TBL1X: variants seen among roughly 807,000 people sequenced by gnomAD.
TBL1X encodes the protein transducin beta like 1 X-linked.
In TBL1X, 10 loss-of-function variants were observed where a neutral mutation model predicts 50.7. The observed-to-expected ratio is 0.20, with a 90% CI of 0.12 to 0.33. The LOEUF is 0.33. Ranked by LOEUF, TBL1X falls within the 10% of genes least tolerant of loss-of-function variation. The probability of loss-of-function intolerance (pLI) is 1.00; values close to 1 mark genes in which losing one functional copy is unlikely to be tolerated. For synonymous variants in TBL1X, 190 were observed against 214.7 expected (o/e 0.88, Z 1.01); for missense variants, 340 against 504.4 (o/e 0.67, Z 3.12).
chrX:9,551,625 A>G (rs753700451), intron 2 of TBL1X, among the ~76,000 whole-genome samples: 4 of 111,508 alleles, frequency 3.6e-5, no homozygotes, highest in African/African-American at 3.3e-5. Flanking sequence ...AGGCTGACAT[A>G]TACTCCCTAT....
At chrX:9,513,181 T>C (rs779800611) in intron 2 of TBL1X, among the ~76,000 whole-genome samples, 9 of 111,319 alleles carry the variant, frequency 8.1e-5, no homozygotes, top group African/African-American at 2.9e-4. Context: ...ACCTCTCTGC[T>C]TTTTTATTTT....
intron 2 of TBL1X, among the ~76,000 whole-genome samples, chrX:9,635,412 A>G (rs935047237): frequency 4.6e-5 from 5 of 109,596 alleles, no homozygotes; most frequent in East Asian, 5.8e-4. Context: ...TGTAATCCAT[A>G]TGCTTCTGAG....
intron 1 of TBL1X, among the ~76,000 whole-genome samples, chrX:9,474,471 CG>C (rs1452928334): frequency 8.8e-6 from 1 of 113,217 alleles, no homozygotes; most frequent in Non-Finnish European, 1.9e-5. Flanking sequence ...GACTGGACAT[CG>C]TTCCAGAGGT....
intron 2 of TBL1X, among the ~76,000 whole-genome samples, chrX:9,525,503 G>C (rs1364148432): frequency 8.9e-6 from 1 of 111,929 alleles, no homozygotes; most frequent in African/African-American, 3.3e-5. Context: ...ACCTTCCCTG[G>C]AGTATCCAAA....
chrX:9,473,307 C>T (rs2146925730), intron 1 of TBL1X, among the ~76,000 whole-genome samples: 1 of 112,223 alleles, frequency 8.9e-6, no homozygotes, highest in African/African-American at 3.2e-5. Context: ...CTTTTTTCAA[C>T]AGAATCTTAT....
intron 1 of TBL1X, among the ~76,000 whole-genome samples, chrX:9,498,116 T>C (rs952234603): frequency 9.0e-6 from 1 of 111,701 alleles, no homozygotes; most frequent in Non-Finnish European, 1.9e-5. Context: ...TTTTTGTCTT[T>C]TGTTCAAATA....
At chrX:9,559,944 A>T (rs1490678056) in intron 2 of TBL1X, among the ~76,000 whole-genome samples, 1 of 112,058 alleles carries the variant, frequency 8.9e-6, no homozygotes, top group African/African-American at 3.2e-5. Flanking sequence ...TTTTTCTGTT[A>T]ATCATAGCTG....
chrX:9,710,210 A>G lies in TBL1X; in HGVS notation c.1439+450A>G, dbSNP rs1428336252. On this transcript the variant is annotated intron_variant, in intron 15 of 17. Transcript: ENST00000645353. ...CCAGCCTGGGTGACAGAGCAAGACCATGTCTCAAAAAAAAAAAAAAAAAAA... is the reference window on the plus strand; with the variant it reads ...CCAGCCTGGGTGACAGAGCAAGACCGTGTCTCAAAAAAAAAAAAAAAAAAA... 1.2e-4 allele frequency among the ~76,000 whole-genome samples: 8 copies of G among 67,794 alleles called. No individual in the cohort carries two copies. The South Asian group carries it at 3.0e-3, about 26-fold the overall frequency. 58.9% of individuals were successfully genotyped at this position (67,794 alleles called of 115,157 possible). A position where few individuals can be genotyped will look rare whatever the true frequency, so the allele number is the denominator to read the frequency against.
chrX:9,598,175 G>A (rs973364647), intron 2 of TBL1X, among the ~76,000 whole-genome samples: 3 of 111,418 alleles, frequency 2.7e-5, no homozygotes, highest in Non-Finnish European at 5.6e-5. Flanking sequence ...CCCTACTGAC[G>A]CCTTGATGTC....
chrX:9,588,775 G>C (rs1306040066), intron 2 of TBL1X, among the ~76,000 whole-genome samples: 1 of 109,747 alleles, frequency 9.1e-6, no homozygotes, highest in Non-Finnish European at 1.9e-5. Flanking sequence ...GCTAATTTTT[G>C]TATTTTTAGT....
chrX:9,516,224 A>G (rs921293958), intron 2 of TBL1X, among the ~76,000 whole-genome samples: 1 of 111,592 alleles, frequency 9.0e-6, no homozygotes, highest in Non-Finnish European at 1.9e-5. Flanking sequence ...CATAACAAGC[A>G]GTGAAACCAT....
intron 5 of TBL1X, among the ~76,000 whole-genome samples, chrX:9,665,488 G>GATATATATATATATATATAT (rs2082922066): frequency 6.6e-5 from 1 of 15,063 alleles, no homozygotes; most frequent in East Asian, 2.9e-3. Context: ...TGATATTCAA[G>GATATATATATATATATATAT]CTATATATAT....
chrX:9,619,780 C>T (rs2239406), intron 2 of TBL1X, among the ~76,000 whole-genome samples: 33,816 of 110,265 alleles, frequency 0.31, 4,394 homozygotes, highest in East Asian at 0.7. Context: ...GAGTGCCGCC[C>T]TCTAGCTGCG....
At chrX:9,671,140 T>G (rs1033341765) in intron 5 of TBL1X, among the ~76,000 whole-genome samples, 1 of 111,404 alleles carries the variant, frequency 9.0e-6, no homozygotes. Context: ...CTGGAAGGGC[T>G]CACAGGACTC....
intron 2 of TBL1X, among the ~76,000 whole-genome samples, chrX:9,530,753 TA>T (rs2082155905): frequency 8.9e-6 from 1 of 112,480 alleles, no homozygotes; most frequent in Non-Finnish European, 1.9e-5. Context: ...CAAGAAATCT[TA>T]AAATATAACG....
At chrX:9,568,523 G>T (rs1181265575) in intron 2 of TBL1X, among the ~76,000 whole-genome samples, 1 of 111,031 alleles carries the variant, frequency 9.0e-6, no homozygotes, top group African/African-American at 3.3e-5. Context: ...GTGGTGTACT[G>T]TGTGTGTTGT....
At chrX:9,499,343 G>T (rs780471271) in intron 1 of TBL1X, among the ~76,000 whole-genome samples, 24 of 111,519 alleles carry the variant, frequency 2.2e-4, no homozygotes, top group Non-Finnish European at 2.8e-4. Flanking sequence ...TGAGGACCTC[G>T]CCCGCTAGTC....
At chrX:9,684,218 C>T (rs369013920) in intron 6 of TBL1X, 30 bp downstream of exon 6, 89 of 1,207,244 alleles carry the variant, frequency 7.4e-5, no homozygotes, top group Non-Finnish European at 9.6e-5. Flanking sequence ...GGCCCCCAAA[C>T]AGCAGAGCCC....
rs968455176 is a variant in TBL1X at position 9,673,045 on chromosome X, T to C, written c.212-10998T>C. On this transcript the variant is annotated intron_variant, in intron 5 of 17. Coordinates refer to ENST00000645353, the MANE Select transcript of TBL1X (RefSeq NM_005647.4). Reference sequence around the variant, plus strand: ...GAAGAGGCAAGGGAGCTCTCTGGGGTCTCTTGTATAAGGACACTCATCCCA... The same window carrying C: ...GAAGAGGCAAGGGAGCTCTCTGGGGCCTCTTGTATAAGGACACTCATCCCA... 6.3e-5 allele frequency among the ~76,000 whole-genome samples: 7 copies of C among 111,222 alleles called. No homozygotes were observed. In the East Asian group the frequency reaches 1.7e-3, roughly 27 times the overall value.
Sources: gnomAD v4.1 joint callset for allele counts (sites outside exome capture counted in the v4.1 genomes callset) on GRCh38, gnomAD v4.1.1 for gene constraint, MANE v1.5 for transcripts, NCBI Gene and HGNC (gene_info 2026-07-23, HGNC 2026-07-21) for gene names.